IMPG1: variants seen among roughly 807,000 people sequenced by gnomAD.
The protein encoded by IMPG1 is interphotoreceptor matrix proteoglycan 1, also known as interphotoreceptor matrix proteoglycan of 150 kDa.
A neutral mutation model predicts 92.0 loss-of-function variants in IMPG1; 85 were observed. That is an observed-to-expected ratio of 0.92 (90% CI 0.78 to 1.11). The LOEUF (loss-of-function observed/expected upper bound fraction) is 1.11. Ranked by LOEUF, IMPG1 falls within the 50% of genes least tolerant of loss-of-function variation. The probability of loss-of-function intolerance (pLI) is 0.00; values close to 1 mark genes in which losing one functional copy is unlikely to be tolerated. For synonymous variants in IMPG1, 367 were observed against 334.1 expected (o/e 1.10, Z -1.08); for missense variants, 1,022 against 956.0 (o/e 1.07, Z -0.91).
At chr6:76,028,488 T>C (rs978139047) in intron 4 of IMPG1, among the ~76,000 whole-genome samples, 14 of 152,200 alleles carry the variant, frequency 9.2e-5, no homozygotes, top group Admixed American at 9.2e-4. Context: ...CTGATCCTTG[T>C]TTTATTTTTC....
chr6:75,941,968 G>A (rs556344886), intron 14 of IMPG1, among the ~76,000 whole-genome samples: 18 of 152,168 alleles, frequency 1.2e-4, no homozygotes, highest in Admixed American at 2.0e-4. Context: ...TGGAGGCTGG[G>A]GGGACACTGG....
At chr6:75,974,353 TTC>T (rs1491245292) in intron 12 of IMPG1, among the ~76,000 whole-genome samples, 7 of 118,218 alleles carry the variant, frequency 5.9e-5, no homozygotes, top group East Asian at 2.9e-4. Context: ...CTTTCTTTCT[TTC>T]TTTCTTTCTT....
intron 12 of IMPG1, among the ~76,000 whole-genome samples, chr6:75,953,177 C>A (rs543018694): frequency 6.6e-6 from 1 of 152,284 alleles, no homozygotes; most frequent in East Asian, 1.9e-4. Flanking sequence ...TCACACCTTT[C>A]TTACTATGTA....
intron 14 of IMPG1, among the ~76,000 whole-genome samples, chr6:75,934,521 A>G (rs539747664): frequency 7.9e-5 from 12 of 152,292 alleles, no homozygotes; most frequent in Non-Finnish European, 1.5e-4. Context: ...ATCAAAAAGC[A>G]TTTAAATGAT....
Position 75,950,687 on chromosome 6 carries a change from C to T in IMPG1, c.1699G>A (p.Ala567Thr). The change falls in exon 13 of 17, where the codon GCC (alanine) becomes ACC (threonine). Residue 567 changes from alanine to threonine, a missense_variant. Around this residue, in one of 3 missense-constraint regions of IMPG1, gnomAD observed 332 missense variants for 346.2 expected, o/e 0.96. Coordinates refer to ENST00000369950, the MANE Select transcript of IMPG1 (RefSeq NM_001563.4). ...ACTACCAGCTCTCGGCCCTTGGGGG[C>T]AATGGTCATAGAACTAGTGGTGATA... is the stretch of plus-strand genomic sequence containing the variant. ...QYITTSSMTI[A>T]PKGRELVVFF... 1 of 1,613,876 alleles carries T rather than the reference C, an allele frequency of 6.2e-7. No individual in the cohort carries two copies. Among genetic ancestry groups the T allele is most frequent in the Non-Finnish European group, 8.5e-7 (1 of 1,179,876 alleles).
intron 15 of IMPG1, 49 bp downstream of exon 15, chr6:75,930,904 G>A: frequency 6.7e-7 from 1 of 1,486,658 alleles, no homozygotes. Flanking sequence ...TTTCTCAGAA[G>A]TGTAAGTAAT....
intron 15 of IMPG1, among the ~76,000 whole-genome samples, chr6:75,928,125 A>T (rs1051241717): frequency 6.6e-6 from 1 of 152,184 alleles, no homozygotes; most frequent in African/African-American, 2.4e-5. Context: ...CAAAAGCCGC[A>T]TGCAACCCTC....
chr6:76,005,405 G>A lies in IMPG1; in HGVS notation c.1017C>T (p.Thr339=). The change falls in exon 10 of 17, where the codon ACC becomes ACT. Residue 339 remains threonine (T), a synonymous_variant. Transcript: ENST00000369950. The part of the protein sequence containing the change: ...KIESEEVYHG[T]MEEDKQPEIY... Reference sequence around the variant, plus strand: ...TTTCTGGTTGCTTGTCCTCCTCCATGGTTCCATGATAGACTTCCTCACTTT... The same window carrying A: ...TTTCTGGTTGCTTGTCCTCCTCCATAGTTCCATGATAGACTTCCTCACTTT... 3.1e-6 allele frequency: 5 copies of A among 1,614,038 alleles called. No homozygotes were observed. The highest frequency in any genetic ancestry group is 4.2e-6 in the Non-Finnish European group (5 of 1,179,958).
chr6:75,939,357 C>T (rs542200877), intron 14 of IMPG1, among the ~76,000 whole-genome samples: 7 of 152,234 alleles, frequency 4.6e-5, no homozygotes, highest in African/African-American at 1.7e-4. Flanking sequence ...TGCTCCCCCC[C>T]ACCCCACAAC....
chr6:75,947,775 T>C (rs1045058737), intron 13 of IMPG1, among the ~76,000 whole-genome samples: 14 of 152,152 alleles, frequency 9.2e-5, no homozygotes, highest in Admixed American at 5.2e-4. Context: ...GTGATTTTTT[T>C]CATGGTGAAT....
intron 1 of IMPG1, among the ~76,000 whole-genome samples, chr6:76,061,134 A>G (rs1399099341): frequency 2.0e-5 from 3 of 152,202 alleles, no homozygotes; most frequent in Non-Finnish European, 4.4e-5. Flanking sequence ...CTCACATGCA[A>G]TAGTCCCTTA....
intron 12 of IMPG1, among the ~76,000 whole-genome samples, chr6:75,964,495 G>C (rs1247334481): frequency 6.6e-6 from 1 of 151,950 alleles, no homozygotes; most frequent in Non-Finnish European, 1.5e-5. Flanking sequence ...TGGCTAACAT[G>C]ATGAAACCCC....
At chr6:75,986,428 G>GA (rs1300362545) in intron 12 of IMPG1, among the ~76,000 whole-genome samples, 4 of 152,124 alleles carry the variant, frequency 2.6e-5, no homozygotes, top group Admixed American at 6.5e-5. Flanking sequence ...ATTGAGGGGA[G>GA]AAAAACAGAT....
chr6:75,938,981 G>A lies in IMPG1; in HGVS notation c.2045-7830C>T, dbSNP rs114351465. Reference sequence around the variant, plus strand: ...GATGAGAGTAACTGGGACTACAGGCGTGTGCCATCACACCCAGCTAACTTT... The same window carrying A: ...GATGAGAGTAACTGGGACTACAGGCATGTGCCATCACACCCAGCTAACTTT... On this transcript the variant is annotated intron_variant, in intron 14 of 16. Transcript: ENST00000369950. Among the ~76,000 whole-genome samples, 1,221 of 152,106 alleles carry A rather than the reference G, an allele frequency of 8.0e-3. 16 individuals are homozygous for A. The highest frequency in any genetic ancestry group is 0.027 in the African/African-American group (1,126 of 41,482).
intron 1 of IMPG1, among the ~76,000 whole-genome samples, chr6:76,059,701 C>T (rs1278875205): frequency 6.6e-6 from 1 of 152,140 alleles, no homozygotes; most frequent in Non-Finnish European, 1.5e-5. Context: ...ACCCTCTCAC[C>T]TCAAATGATT....
At chr6:76,039,611 C>T (rs1783800367) in intron 2 of IMPG1, among the ~76,000 whole-genome samples, 1 of 152,210 alleles carries the variant, frequency 6.6e-6, no homozygotes, top group Non-Finnish European at 1.5e-5. Flanking sequence ...CTACCTCGGT[C>T]TCACAAAGTG....
intron 1 of IMPG1, among the ~76,000 whole-genome samples, chr6:76,068,166 T>C (rs1406638470): frequency 6.6e-6 from 1 of 152,132 alleles, no homozygotes; most frequent in African/African-American, 2.4e-5. Flanking sequence ...CTATTCAACA[T>C]AGTGCTGGAA....
chr6:75,982,867 T>G (rs915391575), intron 12 of IMPG1, among the ~76,000 whole-genome samples: 6 of 152,064 alleles, frequency 3.9e-5, no homozygotes, highest in African/African-American at 1.4e-4. Context: ...AGGAACACCC[T>G]CATCTTTAAA....
At chr6:75,951,748 A>G (rs752663020) in intron 12 of IMPG1, among the ~76,000 whole-genome samples, 6 of 152,180 alleles carry the variant, frequency 3.9e-5, no homozygotes, top group Non-Finnish European at 5.9e-5. Context: ...TGAATGTTAC[A>G]TTGACCATAC....
Sources: allele counts gnomAD v4.1 joint callset (sites outside exome capture counted in the v4.1 genomes callset), GRCh38; gene constraint gnomAD v4.1.1; regional missense constraint gnomAD v4.1.1; transcripts MANE v1.5; gene names NCBI Gene and HGNC (gene_info 2026-07-23, HGNC 2026-07-21).